PTPRG: variants seen among roughly 807,000 people sequenced by gnomAD.
The protein encoded by PTPRG is protein tyrosine phosphatase receptor type G.
A neutral mutation model predicts 165.3 loss-of-function variants in PTPRG; 102 were observed. The observed-to-expected ratio is 0.62, with a 90% CI of 0.53 to 0.73. The LOEUF is 0.73. Among genes scored for constraint, PTPRG ranks in the 30% least tolerant of loss-of-function variants. The pLI is 0.00. For synonymous variants in PTPRG, 675 were observed against 669.5 expected (o/e 1.01, Z -0.13); for missense variants, 1,866 against 1,861.4 (o/e 1.00, Z -0.05).
chr3:62,033,139 TC>T (rs1422068152), intron 4 of PTPRG, among the ~76,000 whole-genome samples: 1 of 152,094 alleles, frequency 6.6e-6, no homozygotes, highest in African/African-American at 2.4e-5. Flanking sequence ...TTTCCCCTTT[TC>T]TCTCTGCTCC....
intron 14 of PTPRG, among the ~76,000 whole-genome samples, chr3:62,238,705 A>G (rs1250813998): frequency 1.3e-5 from 2 of 152,162 alleles, no homozygotes; most frequent in Non-Finnish European, 2.9e-5. Context: ...GTATTCTAAA[A>G]GCTCCCTAAG....
chr3:61,845,198 G>A (rs1267846882), intron 2 of PTPRG, among the ~76,000 whole-genome samples: 1 of 152,156 alleles, frequency 6.6e-6, no homozygotes, highest in South Asian at 2.1e-4. Context: ...GATTTAAAAG[G>A]CACCTGCCAA....
At chr3:62,246,425 T>A (rs1163563135) in intron 15 of PTPRG, among the ~76,000 whole-genome samples, 3 of 152,210 alleles carry the variant, frequency 2.0e-5, no homozygotes, top group Non-Finnish European at 2.9e-5. Context: ...TTCAGCTTGA[T>A]CACAATCTCT....
In PTPRG at chr3:61,579,918, A is replaced by G. The variant is rs114925517; in HGVS notation, c.85+17546A>G. On this transcript the variant is annotated intron_variant, in intron 1 of 29. Transcript: ENST00000474889. Reference sequence around the variant, plus strand: ...TTGAACTGTGTGGGTCCACTTATACATGGATTTTTTCTTCAATAAATGTCT... The same window carrying G: ...TTGAACTGTGTGGGTCCACTTATACGTGGATTTTTTCTTCAATAAATGTCT... 4.6e-3 allele frequency among the ~76,000 whole-genome samples: 708 copies of G among 152,342 alleles called. 5 individuals are homozygous for G. Among genetic ancestry groups the G allele is most frequent in the African/African-American group, 0.016 (655 of 41,570 alleles).
chr3:62,095,561 C>T (rs1462416931), intron 5 of PTPRG, among the ~76,000 whole-genome samples: 1 of 152,156 alleles, frequency 6.6e-6, no homozygotes, highest in African/African-American at 2.4e-5. Flanking sequence ...AAGCACTGTG[C>T]TAGGCACTGA....
At chr3:62,215,177 G>A (rs1164039547) in intron 12 of PTPRG, among the ~76,000 whole-genome samples, 1 of 152,178 alleles carries the variant, frequency 6.6e-6, no homozygotes, top group Non-Finnish European at 1.5e-5. Context: ...TATCCTGAGG[G>A]CTATGAGGAG....
intron 5 of PTPRG, among the ~76,000 whole-genome samples, chr3:62,122,587 C>T (rs1394881207): frequency 6.6e-6 from 1 of 152,204 alleles, no homozygotes; most frequent in African/African-American, 2.4e-5. Flanking sequence ...TGTTCAGTGG[C>T]ACCTTTCACT....
At chr3:62,179,354 C>T (rs1426872680) in intron 8 of PTPRG, among the ~76,000 whole-genome samples, 2 of 152,192 alleles carry the variant, frequency 1.3e-5, no homozygotes, top group Non-Finnish European at 2.9e-5. Context: ...TAAGCACTGG[C>T]TGGGACCGAA....
intron 2 of PTPRG, among the ~76,000 whole-genome samples, chr3:61,824,328 G>C (rs1402533334): frequency 6.6e-6 from 1 of 152,120 alleles, no homozygotes; most frequent in Non-Finnish European, 1.5e-5. Context: ...ATTTTTATTT[G>C]TTTCCTTAGG....
chr3:61,629,156 G>C (rs1701696541), intron 1 of PTPRG, among the ~76,000 whole-genome samples: 1 of 152,024 alleles, frequency 6.6e-6, no homozygotes, highest in Admixed American at 6.6e-5. Context: ...TCCTAAGTTA[G>C]ATTTATTTTT....
chr3:61,834,767 C>CCACT (rs2036411537), intron 2 of PTPRG, among the ~76,000 whole-genome samples: 1 of 152,046 alleles, frequency 6.6e-6, no homozygotes, highest in African/African-American at 2.4e-5. Context: ...GAGCTGAGAT[C>CCACT]GTGCCACTGC....
chr3:62,034,174 C>T (rs543314275), intron 4 of PTPRG, among the ~76,000 whole-genome samples: 7 of 152,190 alleles, frequency 4.6e-5, no homozygotes, highest in Non-Finnish European at 8.8e-5. Flanking sequence ...AAAGTCAGCC[C>T]TGTGGAACCC....
intron 23 of PTPRG, among the ~76,000 whole-genome samples, chr3:62,275,668 G>A (rs1473379172): frequency 6.6e-6 from 1 of 152,142 alleles, no homozygotes; most frequent in East Asian, 1.9e-4. Flanking sequence ...AGGCTGAGGT[G>A]GGAGGATCAC....
chr3:61,853,207 A>G (rs1024036086), intron 2 of PTPRG, among the ~76,000 whole-genome samples: 1 of 152,178 alleles, frequency 6.6e-6, no homozygotes, highest in African/African-American at 2.4e-5. Flanking sequence ...GAAAATGGAA[A>G]TTTTAGAGAA....
At chr3:61,870,686 T>C (rs1054425030) in intron 2 of PTPRG, among the ~76,000 whole-genome samples, 9 of 151,136 alleles carry the variant, frequency 6.0e-5, no homozygotes, top group African/African-American at 2.0e-4. Flanking sequence ...CATTGTTGGG[T>C]AGGAAAAGTA....
intron 4 of PTPRG, among the ~76,000 whole-genome samples, chr3:62,050,460 A>G (rs574632960): frequency 3.9e-4 from 60 of 152,246 alleles, no homozygotes; most frequent in Non-Finnish European, 6.3e-4. Flanking sequence ...TGTCTCAGCA[A>G]CAATGAAATC....
intron 2 of PTPRG, among the ~76,000 whole-genome samples, chr3:61,905,335 A>C (rs1347940104): frequency 1.3e-5 from 2 of 152,084 alleles, no homozygotes; most frequent in Non-Finnish European, 2.9e-5. Context: ...CGGTCTTGTC[A>C]TGCGCTTTTC....
intron 2 of PTPRG, among the ~76,000 whole-genome samples, chr3:61,766,915 C>G (rs568681214): frequency 1.5e-4 from 23 of 151,962 alleles, no homozygotes; most frequent in African/African-American, 4.3e-4. Flanking sequence ...CCATCGCGCC[C>G]AGCCCAGCCA....
In PTPRG at chr3:61,565,314, C is replaced by T. The variant is rs150406212; in HGVS notation, c.85+2942C>T. ...GTGCAAAGCTAAGAGTGTTACCAAA[C>T]ATGATATTAGGCATATTACATTGCT... On this transcript the variant is annotated intron_variant, in intron 1 of 29. Coordinates refer to ENST00000474889, the MANE Select transcript of PTPRG (RefSeq NM_002841.4). Among the ~76,000 whole-genome samples, 533 of 152,268 alleles carry T rather than the reference C, an allele frequency of 3.5e-3. 3 individuals carry two copies. The highest frequency in any genetic ancestry group is 6.9e-3 in the Admixed American group (106 of 15,298).
Sources: gnomAD v4.1 joint callset for allele counts (sites outside exome capture counted in the v4.1 genomes callset) on GRCh38, gnomAD v4.1.1 for gene constraint, MANE v1.5 for transcripts, NCBI Gene and HGNC (gene_info 2026-07-23, HGNC 2026-07-21) for gene names.